Variants in IPCEF1 observed in about 807,000 individuals in gnomAD.
IPCEF1 encodes the protein interactor protein for cytohesin exchange factors 1.
In IPCEF1, 31 loss-of-function variants were observed where a neutral mutation model predicts 50.9. The ratio of observed to expected loss-of-function variants is 0.61; its 90% CI spans 0.46 to 0.82. IPCEF1 has a LOEUF of 0.82. IPCEF1 is among the 40% of genes least tolerant of loss of function. The pLI, the probability that IPCEF1 is intolerant of heterozygous loss-of-function variation, is 0.00. For missense variants in IPCEF1, 458 were observed against 514.0 expected, an observed-to-expected ratio of 0.89 and a Z score of 1.05; for synonymous variants, 181 against 192.0, an observed-to-expected ratio of 0.94 and a Z score of 0.47.
At chr6:154,265,753 A>G (rs548944408) in intron 3 of IPCEF1, among the ~76,000 whole-genome samples, 159 bp downstream of exon 3, 3 of 152,330 alleles carry the variant, frequency 2.0e-5, no homozygotes, top group African/African-American at 7.2e-5. Context: ...CTTGATAACC[A>G]TAAGACCGTT....
intron 1 of IPCEF1, among the ~76,000 whole-genome samples, chr6:154,350,852 C>T (rs1309150055): frequency 6.6e-6 from 1 of 152,182 alleles, no homozygotes; most frequent in East Asian, 1.9e-4. Context: ...TCCTGAGTAG[C>T]TGGGATTACA....
At chr6:154,281,100 G>A (rs1225178479) in intron 2 of IPCEF1, among the ~76,000 whole-genome samples, 2 of 151,124 alleles carry the variant, frequency 1.3e-5, no homozygotes, top group African/African-American at 4.9e-5. Context: ...AGCACTTTGG[G>A]AGGCCGAGGT....
At chr6:154,206,178 A>T in intron 9 of IPCEF1, among the ~76,000 whole-genome samples, 1 of 152,228 alleles carries the variant, frequency 6.6e-6, no homozygotes, top group African/African-American at 2.4e-5. Context: ...CATAAAGAAT[A>T]TTCTTCATGA....
At chr6:154,285,597 A>C (rs984473082) in intron 2 of IPCEF1, among the ~76,000 whole-genome samples, 31 of 152,194 alleles carry the variant, frequency 2.0e-4, no homozygotes, top group African/African-American at 7.5e-4. Flanking sequence ...TCTCCATATA[A>C]GTATTCTTTC....
At chr6:154,242,030 A>G (rs1189904478) in intron 5 of IPCEF1, among the ~76,000 whole-genome samples, 1 of 152,162 alleles carries the variant, frequency 6.6e-6, no homozygotes, top group Non-Finnish European at 1.5e-5. Context: ...AAATTCCCTG[A>G]GCTTCAGTAA....
intron 1 of IPCEF1, among the ~76,000 whole-genome samples, chr6:154,291,416 C>T (rs554375969): frequency 3.9e-4 from 59 of 151,694 alleles, no homozygotes; most frequent in African/African-American, 1.4e-3. Flanking sequence ...AATTTTTTTT[C>T]CAAAATTTTA....
At chr6:154,208,190 C>T (rs1238300567) in intron 9 of IPCEF1, among the ~76,000 whole-genome samples, 1 of 143,370 alleles carries the variant, frequency 7.0e-6, no homozygotes, top group Non-Finnish European at 1.5e-5. Context: ...GATATGGCTA[C>T]CACTATGCTT....
chr6:154,331,414 A>AG (rs763161431), intron 1 of IPCEF1, among the ~76,000 whole-genome samples: 1 of 117,034 alleles, frequency 8.5e-6, no homozygotes, highest in Non-Finnish European at 1.8e-5. Flanking sequence ...AAAGAGAGAG[A>AG]AAAAGAAAGA....
chr6:154,294,835 C>G (rs922970403), intron 1 of IPCEF1, among the ~76,000 whole-genome samples: 1 of 152,070 alleles, frequency 6.6e-6, no homozygotes, highest in African/African-American at 2.4e-5. Flanking sequence ...ACCAGGAGTT[C>G]AAGATCACCC....
intron 10 of IPCEF1, among the ~76,000 whole-genome samples, chr6:154,197,468 C>T (rs1776707037): frequency 6.6e-6 from 1 of 152,104 alleles, no homozygotes; most frequent in Non-Finnish European, 1.5e-5. Context: ...GCCAACAAAT[C>T]AATGAGAGAA....
At chr6:154,195,174 A>G (rs6940820) in intron 10 of IPCEF1, among the ~76,000 whole-genome samples, 82,867 of 141,274 alleles carry the variant, frequency 0.59, 24,807 homozygotes, top group East Asian at 0.89. Flanking sequence ...TTGAGACAGA[A>G]TCTCGCTCTG....
At chr6:154,199,267 C>T (rs1171915871) in intron 10 of IPCEF1, among the ~76,000 whole-genome samples, 1 of 152,228 alleles carries the variant, frequency 6.6e-6, no homozygotes, top group South Asian at 2.1e-4. Context: ...GAGAAAGTGG[C>T]TGATCTAAGC....
At chr6:154,179,805 C>T (rs1303724775) in intron 10 of IPCEF1, among the ~76,000 whole-genome samples, 1 of 152,210 alleles carries the variant, frequency 6.6e-6, no homozygotes, top group Non-Finnish European at 1.5e-5. Flanking sequence ...CACTTTCACA[C>T]CGTGCAGAAT....
intron 1 of IPCEF1, among the ~76,000 whole-genome samples, chr6:154,296,098 G>A (rs1235492862): frequency 6.6e-6 from 1 of 152,150 alleles, no homozygotes; most frequent in East Asian, 1.9e-4. Flanking sequence ...ATATGCTGTG[G>A]GCTCTGTGCA....
intron 1 of IPCEF1, among the ~76,000 whole-genome samples, chr6:154,328,851 C>A (rs372509720): frequency 1.3e-5 from 2 of 152,052 alleles, no homozygotes; most frequent in Admixed American, 6.6e-5. Context: ...TTGAAGCATT[C>A]GATGTTATTG....
At position 154,176,308 on chromosome 6, in the gene IPCEF1, G is replaced by A. The variant is rs1168706177; in HGVS notation, c.911-8195C>T. Among the ~76,000 whole-genome samples the A allele has an allele frequency of 3.3e-5, 5 of 152,146 alleles. No homozygotes were observed. In the East Asian group the frequency reaches 9.6e-4, roughly 29 times the overall value. On this transcript the variant is annotated intron_variant, in intron 10 of 11. Transcript: ENST00000367220. ...CACCACTCCCATTCAACATAGTAAT[G>A]GAAGTTCTGGCCAAAGCAATCAGAC...
At chr6:154,249,431 G>A (rs913463133) in intron 3 of IPCEF1, among the ~76,000 whole-genome samples, 4 of 152,124 alleles carry the variant, frequency 2.6e-5, no homozygotes, top group African/African-American at 7.2e-5. Context: ...GTAGATGCTG[G>A]GTAAGATTTG....
intron 1 of IPCEF1, among the ~76,000 whole-genome samples, chr6:154,328,492 C>G (rs928490451): frequency 6.6e-6 from 1 of 151,954 alleles, no homozygotes; most frequent in African/African-American, 2.4e-5. Context: ...GTAATCCCAG[C>G]AGTTTGGGAG....
In IPCEF1 at chr6:154,167,527, G is replaced by A. The variant is rs58505208; in HGVS notation, c.1104+393C>T. ...CCTTGTATGAATCAGATGAAAATTC[G>A]AGATCTTATTTATACGACTGTTTAT... On this transcript the variant is annotated intron_variant, in intron 11 of 11. Coordinates refer to ENST00000367220, the MANE Select transcript of IPCEF1 (RefSeq NM_001130700.2). 9.1e-3 allele frequency among the ~76,000 whole-genome samples: 1,380 copies of A among 152,232 alleles called. 22 individuals are homozygous for A. The highest frequency in any genetic ancestry group is 0.032 in the African/African-American group (1,311 of 41,532).
Sources: gnomAD v4.1 joint callset for allele counts (sites outside exome capture counted in the v4.1 genomes callset) on GRCh38, gnomAD v4.1.1 for gene constraint, MANE v1.5 for transcripts, NCBI Gene and HGNC (gene_info 2026-07-23, HGNC 2026-07-21) for gene names.